The following RPP14 variants were observed in gnomAD, a reference collection of about 807,000 sequenced individuals.
RPP14 encodes the protein ribonuclease P protein subunit p14.
Under a neutral mutation model 17.8 loss-of-function variants are expected in RPP14, and 19 were observed. The observed-to-expected ratio is 1.07, with a 90% CI of 0.74 to 1.57. The LOEUF (loss-of-function observed/expected upper bound fraction) is 1.57. Among genes scored for constraint, RPP14 ranks in the 40% most tolerant of loss-of-function variants. RPP14 has a pLI of 0.00. For missense variants in RPP14, 125 were observed against 140.8 expected, an observed-to-expected ratio of 0.89 and a Z score of 0.57; for synonymous variants, 60 against 56.4, an observed-to-expected ratio of 1.06 and a Z score of -0.29.
intron 3 of RPP14, among the ~76,000 whole-genome samples, chr3:58,311,766 A>G (rs79686254): frequency 0.025 from 3,854 of 151,304 alleles, 91 homozygotes; most frequent in South Asian, 0.069. Flanking sequence ...AGCATGAGCC[A>G]CTATGCCCAG....
rs116365502 is a variant in RPP14, at chr3:58,307,091, C to A, written c.-22+674C>A. On this transcript the variant is annotated intron_variant, in intron 1 of 5. Coordinates refer to ENST00000295959, the MANE Select transcript of RPP14 (RefSeq NM_007042.6). ...CATGGGGAAAAGCTAGAGCCGAGGC[C>A]CAGCGGTGGGAGCGAGACTGGCGCG... Among the ~76,000 whole-genome samples, 1,110 of 152,124 alleles carry A rather than the reference C, an allele frequency of 7.3e-3. 14 individuals carry two copies. Among genetic ancestry groups the A allele is most frequent in the African/African-American group, 0.025 (1,057 of 41,500 alleles).
chr3:58,310,070 C>A (rs542954165), intron 1 of RPP14: 1 of 441,360 alleles, frequency 2.3e-6, no homozygotes, highest in East Asian at 3.8e-5. Context: ...TGTGGTGGCA[C>A]GTGCCTATAC....
chr3:58,318,165 T>TA lies in RPP14; in HGVS notation c.*672dup. ...CAACCTCAAACACCAATGCTGTTGT[T>TA]AAAGAGCCTATGGGGAATTGCTGCT... On this transcript the variant is annotated 3_prime_UTR_variant, in exon 6 of 6. Transcript: ENST00000295959. The TA allele has an allele frequency of 1.6e-6, 1 of 612,474 alleles. No individual in the cohort carries two copies. Among genetic ancestry groups the TA allele is most frequent in the Non-Finnish European group, 2.9e-6 (1 of 346,192 alleles). 37.9% of individuals were successfully genotyped at this position (612,474 alleles called of 1,614,324 possible).
At chr3:58,317,368 G>A in intron 5 of RPP14, 72 bp from the exon 6 acceptor site, 1 of 983,632 alleles carries the variant, frequency 1.0e-6, no homozygotes, top group Non-Finnish European at 1.6e-6. Flanking sequence ...GTAAAACTGG[G>A]CATGTTTCCC....
At chr3:58,316,742 C>A in intron 4 of RPP14, 151 bp downstream of exon 4, 1 of 879,518 alleles carries the variant, frequency 1.1e-6, no homozygotes. Context: ...AACATTCATC[C>A]ACCAGAAACT....
chr3:58,316,609 A>C lies in RPP14; in HGVS notation c.239+18A>C. On this transcript the variant is annotated intron_variant, in intron 4 of 5. Coordinates refer to ENST00000295959, the MANE Select transcript of RPP14 (RefSeq NM_007042.6). ...TGTAGCAGGTATGACAGAGAGTGGG[A>C]AATTTCTAGTATAACAGGGCAGAGA... 1 of 1,601,170 alleles carries C rather than the reference A, an allele frequency of 6.2e-7. No homozygotes were observed. The highest frequency in any genetic ancestry group is 8.6e-7 in the Non-Finnish European group (1 of 1,168,408).
In RPP14 at chr3:58,317,969, A is replaced by G. The variant is rs1306430423; in HGVS notation, c.*473A>G. The stretch of plus-strand genomic sequence containing the variant: ...GAAATTAGCTTTCCAGCCCCTTTAT[A>G]TATTGGAGAAGTTGTTTTAGCTTCT... On this transcript the variant is annotated 3_prime_UTR_variant, in exon 6 of 6. Transcript: ENST00000295959. 6 of 702,920 alleles carry G rather than the reference A, an allele frequency of 8.5e-6. No individual in the cohort carries two copies. The East Asian group carries it at 1.6e-4, about 19-fold the overall frequency. 43.5% of individuals were successfully genotyped at this position (702,920 alleles called of 1,614,324 possible).
At chr3:58,314,212 G>A (rs1315905679) in intron 3 of RPP14, among the ~76,000 whole-genome samples, 6 of 152,148 alleles carry the variant, frequency 3.9e-5, no homozygotes, top group African/African-American at 1.4e-4. Context: ...CTAGCCGGGC[G>A]TGGTGGCACA....
At position 58,316,930 on chromosome 3, in the gene RPP14, G is replaced by T. The variant is rs148504586; in HGVS notation, c.255G>T (p.Leu85Phe). 46 of 1,613,786 alleles carry T rather than the reference G, an allele frequency of 2.9e-5. No homozygotes were observed. In the African/African-American group the frequency reaches 5.1e-4, roughly 18 times the overall value. The change falls in exon 5 of 6, where the codon TTG becomes TTT. Residue 85 changes from leucine (L) to phenylalanine (F), a missense_variant. Physicochemically the swap from Leu to Phe is conservative, Grantham distance 22 (BLOSUM62 0). Transcript: ENST00000295959. ...LRICSSGLVK[L>F]WSSLTLLGSY... ...CTTTCTGCAGTGGTCTTGTCAAATT[G>T]TGGAGCTCTTTGACCCTGTTAGGAT... is the stretch of plus-strand genomic sequence containing the variant.
Position 58,320,191 on chromosome 3 carries a change from A to G in RPP14, c.*2695A>G, listed in dbSNP as rs935514692. ...GAATAATATTCCATTGTATTTACCC[A>G]TACATCAGTTGATATTTGGATTATT... is the stretch of plus-strand genomic sequence containing the variant. On this transcript the variant is annotated 3_prime_UTR_variant, in exon 6 of 6. Transcript: ENST00000295959. 6.6e-6 allele frequency: 1 copy of G among 152,124 alleles called. No individual in the cohort carries two copies. The highest frequency in any genetic ancestry group is 2.4e-5 in the African/African-American group (1 of 41,436). The allele number at this position is 152,124 out of a possible 1,614,324, so 9.4% of individuals were successfully genotyped here. A position where few individuals can be genotyped will look rare whatever the true frequency, so the allele number is the denominator to read the frequency against.
rs1018220257 is a variant in RPP14 at position 58,319,648 on chromosome 3, G to T, written c.*2152G>T. The T allele has an allele frequency of 2.0e-5, 3 of 149,218 alleles. No homozygotes were observed. Among genetic ancestry groups the T allele is most frequent in the South Asian group, 2.1e-4 (1 of 4,738 alleles). 9.2% of individuals were successfully genotyped at this position (149,218 alleles called of 1,614,324 possible). A position where few individuals can be genotyped will look rare whatever the true frequency, so the allele number is the denominator to read the frequency against. On this transcript the variant is annotated 3_prime_UTR_variant, in exon 6 of 6. Coordinates refer to ENST00000295959, the MANE Select transcript of RPP14 (RefSeq NM_007042.6). Reference sequence around the variant, plus strand: ...TGCTTATAGTAAAAAAAAAAAAATTGTAAGAAATAAATATTAAGAAGATTA... The same window carrying T: ...TGCTTATAGTAAAAAAAAAAAAATTTTAAGAAATAAATATTAAGAAGATTA...
rs1559796645 is a variant in RPP14 at position 58,317,833 on chromosome 3, A to G, written c.*337A>G. 1 of 702,942 alleles carries G rather than the reference A, an allele frequency of 1.4e-6. No individual in the cohort carries two copies. The highest frequency in any genetic ancestry group is 2.7e-5 in the East Asian group (1 of 37,310). The allele number at this position is 702,942 out of a possible 1,614,324, so 43.5% of individuals were successfully genotyped here. On this transcript the variant is annotated 3_prime_UTR_variant, in exon 6 of 6. Coordinates refer to ENST00000295959, the MANE Select transcript of RPP14 (RefSeq NM_007042.6). Reference sequence around the variant, plus strand: ...TTTGCATTTGAATGAAGACTTTGCAAAACACACCAAGTTTGGAAATACAAT... The same window carrying G: ...TTTGCATTTGAATGAAGACTTTGCAGAACACACCAAGTTTGGAAATACAAT...
rs2097492989 is a variant in RPP14 at position 58,320,133 on chromosome 3, G to A, written c.*2637G>A. ...GTTTTCAGGGTTCATCCATGTTACAGCATGTATCAGTACATCATTTTATTT... is the reference window on the plus strand; with the variant it reads ...GTTTTCAGGGTTCATCCATGTTACAACATGTATCAGTACATCATTTTATTT... On this transcript the variant is annotated 3_prime_UTR_variant, in exon 6 of 6. Transcript: ENST00000295959. 6.6e-6 allele frequency: 1 copy of A among 152,050 alleles called. No individual in the cohort carries two copies. The highest frequency in any genetic ancestry group is 1.5e-5 in the Non-Finnish European group (1 of 68,016). The allele number at this position is 152,050 out of a possible 1,614,324, so 9.4% of individuals were successfully genotyped here. A position where few individuals can be genotyped will look rare whatever the true frequency, so the allele number is the denominator to read the frequency against.
chr3:58,317,989 G>C lies in RPP14; in HGVS notation c.*493G>C, dbSNP rs1000969611. On this transcript the variant is annotated 3_prime_UTR_variant, in exon 6 of 6. Transcript: ENST00000295959. ...TTTATATATTGGAGAAGTTGTTTTA[G>C]CTTCTGCAGAAGTGAAAAAGCTGAA... 8.5e-6 allele frequency: 6 copies of C among 702,806 alleles called. No homozygotes were observed. Among genetic ancestry groups the C allele is most frequent in the Non-Finnish European group, 1.6e-5 (6 of 385,004 alleles). The allele number at this position is 702,806 out of a possible 1,614,324, so 43.5% of individuals were successfully genotyped here.
In RPP14 at chr3:58,317,417, T is replaced by C. The variant is rs74745970; in HGVS notation, c.319-23T>C. 7,274 of 1,552,658 alleles carry C rather than the reference T, an allele frequency of 4.7e-3. 295 individuals are homozygous for C. The African/African-American group carries it at 0.088, about 19-fold the overall frequency. On this transcript the variant is annotated intron_variant, in intron 5 of 5. Transcript: ENST00000295959. ...TTCAGTGTGGTTTCTCCCAATGCCT[T>C]AACCTTTTTCTTTCTCTTCTAGGTT...
intron 1 of RPP14, 59 bp from the exon 2 acceptor site, chr3:58,310,250 C>G: frequency 7.2e-7 from 1 of 1,387,340 alleles, no homozygotes; most frequent in Non-Finnish European, 1.0e-6. Context: ...AAATTCTCAT[C>G]AAAACTCTGA....
rs1480531390 is a variant in RPP14 at position 58,316,952 on chromosome 3, G to A, written c.277G>A (p.Gly93Arg). The A allele has an allele frequency of 3.1e-6, 5 of 1,613,838 alleles. No homozygotes were observed. Among genetic ancestry groups the A allele is most frequent in the Non-Finnish European group, 4.2e-6 (5 of 1,179,942 alleles). The change falls in exon 5 of 6, where the codon GGA (glycine) becomes AGA (arginine). Residue 93 changes from glycine to arginine, a missense_variant. By Grantham distance (125) the Gly-to-Arg change is moderately radical. Coordinates refer to ENST00000295959, the MANE Select transcript of RPP14 (RefSeq NM_007042.6). ...VKLWSSLTLLGSYKGKKCAFR... is the reference protein window; with the variant it reads ...VKLWSSLTLLRSYKGKKCAFR... ...ATTGTGGAGCTCTTTGACCCTGTTA[G>A]GATCCTATAAAGGCAAAAAATGTGC...
At position 58,310,941 on chromosome 3, in the gene RPP14, C is replaced by A. The variant is rs184500722; in HGVS notation, c.162+350C>A. Among the ~76,000 whole-genome samples the A allele has an allele frequency of 5.0e-5, 7 of 138,814 alleles. No individual in the cohort carries two copies. In the East Asian group the frequency reaches 1.1e-3, roughly 21 times the overall value. 91.1% of individuals were successfully genotyped at this position (138,814 alleles called of 152,430 possible). A position where few individuals can be genotyped will look rare whatever the true frequency, so the allele number is the denominator to read the frequency against. ...GAGACTCTGTCACAAAAAAAAAAAT[C>A]GAGAAAGAATGCTTTTCAAACATCA... On this transcript the variant is annotated intron_variant, in intron 3 of 5. Coordinates refer to ENST00000295959, the MANE Select transcript of RPP14 (RefSeq NM_007042.6).
At chr3:58,311,040 G>C (rs1292257677) in intron 3 of RPP14, among the ~76,000 whole-genome samples, 1 of 150,886 alleles carries the variant, frequency 6.6e-6, no homozygotes, top group East Asian at 1.9e-4. Context: ...AAACACATTT[G>C]TATTCCTTTT....
Sources: gnomAD v4.1 joint callset for allele counts (sites outside exome capture counted in the v4.1 genomes callset) on GRCh38, gnomAD v4.1.1 for gene constraint, MANE v1.5 for transcripts, NCBI Gene and HGNC (gene_info 2026-07-23, HGNC 2026-07-21) for gene names.